PDZD2: variants seen among roughly 807,000 people sequenced by gnomAD.
PDZD2 encodes the protein PDZ domain-containing protein 2.
Under a neutral mutation model 220.7 loss-of-function variants are expected in PDZD2, and 90 were observed. That is an observed-to-expected ratio of 0.41 (90% CI 0.34 to 0.49). The LOEUF is 0.49. Among genes scored for constraint, PDZD2 ranks in the 20% least tolerant of loss-of-function variants. PDZD2 has a pLI of 0.28. For missense variants in PDZD2, 3,174 were observed against 3,608.5 expected (o/e 0.88, Z 3.08); for synonymous variants, 1,375 against 1,450.5 (o/e 0.95, Z 1.18).
At chr5:31,813,449 CAAAAAA>C (rs60551914) in intron 2 of PDZD2, among the ~76,000 whole-genome samples, 4,175 of 94,110 alleles carry the variant, frequency 0.044, 167 homozygotes, top group African/African-American at 0.17. Flanking sequence ...GACTCCGTCT[CAAAAAA>C]AAAAAAAAAA....
chr5:31,921,890 C>T (rs539258566), intron 2 of PDZD2, among the ~76,000 whole-genome samples: 2 of 152,218 alleles, frequency 1.3e-5, no homozygotes, highest in East Asian at 1.9e-4. Flanking sequence ...CCCTAGTGCC[C>T]GCCCTCCTCT....
intron 2 of PDZD2, among the ~76,000 whole-genome samples, chr5:31,815,432 A>C (rs1755388445): frequency 6.6e-6 from 1 of 152,084 alleles, no homozygotes; most frequent in Non-Finnish European, 1.5e-5. Context: ...AATATGTCAA[A>C]GAGATATATT....
At chr5:31,712,478 CT>C (rs1748183077) in intron 1 of PDZD2, among the ~76,000 whole-genome samples, 1 of 61,610 alleles carries the variant, frequency 1.6e-5, no homozygotes, top group African/African-American at 4.2e-5. Context: ...CTCTCTCTCT[CT>C]CTCCCCCTCT....
intron 1 of PDZD2, among the ~76,000 whole-genome samples, chr5:31,750,957 C>T (rs1750925313): frequency 6.6e-6 from 1 of 151,514 alleles, no homozygotes; most frequent in Non-Finnish European, 1.5e-5. Flanking sequence ...GTAAGAGAAG[C>T]ATGGGCCAGG....
At chr5:31,797,491 C>T (rs897706628) in intron 1 of PDZD2, among the ~76,000 whole-genome samples, 1 of 151,952 alleles carries the variant, frequency 6.6e-6, no homozygotes, top group Non-Finnish European at 1.5e-5. Context: ...CCTGCCACCA[C>T]ACCGAGCTAA....
chr5:32,032,796 G>A (rs532398025), intron 6 of PDZD2, among the ~76,000 whole-genome samples: 72 of 152,310 alleles, frequency 4.7e-4, no homozygotes, highest in Non-Finnish European at 8.2e-4. Context: ...GTTCAAAGAG[G>A]TTGACTGACG....
intron 2 of PDZD2, among the ~76,000 whole-genome samples, chr5:31,908,082 CAAAAAAAAAA>C (rs55741622): frequency 2.6e-5 from 2 of 76,886 alleles, no homozygotes; most frequent in Non-Finnish European, 4.4e-5. Flanking sequence ...GGCTCCGTCT[CAAAAAAAAAA>C]AAAAAAAAAA....
At chr5:32,010,638 G>C in intron 6 of PDZD2, 156 bp downstream of exon 6, 1 of 726,064 alleles carries the variant, frequency 1.4e-6, no homozygotes, top group South Asian at 1.5e-5. Flanking sequence ...CGGAATCTCT[G>C]AGAAAAATCT....
At chr5:31,713,479 G>C (rs1218579710) in intron 1 of PDZD2, among the ~76,000 whole-genome samples, 1 of 152,176 alleles carries the variant, frequency 6.6e-6, no homozygotes, top group African/African-American at 2.4e-5. Context: ...CTATGGTTTG[G>C]ATATTTGAGC....
At chr5:31,804,926 G>T (rs1754622207) in intron 2 of PDZD2, among the ~76,000 whole-genome samples, 1 of 152,200 alleles carries the variant, frequency 6.6e-6, no homozygotes, top group African/African-American at 2.4e-5. Flanking sequence ...AGGCGTGGTG[G>T]CTCATGCCTA....
At chr5:31,743,790 TGAAAGAAATG>T (rs1750411937) in intron 1 of PDZD2, among the ~76,000 whole-genome samples, 1 of 151,758 alleles carries the variant, frequency 6.6e-6, no homozygotes. Context: ...GCCTCAGATA[TGAAAGAAATG>T]GAAGAAACAT....
rs1753195745 is a variant in PDZD2 at position 32,010,372 on chromosome 5, T to C, written c.1297T>C (p.Leu433=). Residue 433 remains leucine (L), a synonymous_variant, in exon 6 of 25, where the codon TTG becomes CTG. Transcript: ENST00000438447. ...CCTCCTCAGGTTAACATCTAAGAGC[T>C]TGCCAGATCTGACCAGCTCGGTAGA... ...EDLLRLTSKS[L]PDLTSSVEDV... is the part of the protein sequence containing the mutation. 1 of 1,611,824 alleles carries C rather than the reference T, an allele frequency of 6.2e-7. No individual in the cohort carries two copies. The highest frequency in any genetic ancestry group is 2.2e-5 in the East Asian group (1 of 44,788).
At chr5:32,071,469 A>G (rs1373816103) in intron 16 of PDZD2, 51 bp downstream of exon 16, 1 of 1,434,040 alleles carries the variant, frequency 7.0e-7, no homozygotes. Context: ...CCACAAACTA[A>G]TTCCTGGAGC....
chr5:31,872,212 A>G (rs1580954744), intron 2 of PDZD2, among the ~76,000 whole-genome samples: 2 of 151,624 alleles, frequency 1.3e-5, no homozygotes, highest in East Asian at 1.9e-4. Context: ...TGGGCAAAGC[A>G]GAGAGCCCAG....
At chr5:31,676,278 G>GT (rs1335966512) in intron 1 of PDZD2, among the ~76,000 whole-genome samples, 1 of 152,172 alleles carries the variant, frequency 6.6e-6, no homozygotes, top group East Asian at 1.9e-4. Flanking sequence ...TATGATCCCT[G>GT]TATTTCAAGC....
chr5:31,951,703 A>G (rs1267549260), intron 2 of PDZD2, among the ~76,000 whole-genome samples: 3 of 152,196 alleles, frequency 2.0e-5, no homozygotes, highest in African/African-American at 4.8e-5. Flanking sequence ...TACATCAGGT[A>G]GAAGTTCGCG....
chr5:31,878,555 C>CTTTTTTTTTTTTTTTTTGTTTTTTTT (rs1739535749), intron 2 of PDZD2, among the ~76,000 whole-genome samples: 1 of 48,198 alleles, frequency 2.1e-5, no homozygotes, highest in African/African-American at 7.0e-5. Context: ...ATGACCTCGG[C>CTTTTTTTTTTTTTTTTTGTTTTTTTT]TTTTTTTTTT....
At chr5:31,954,792 CG>C (rs1251879577) in intron 2 of PDZD2, among the ~76,000 whole-genome samples, 5 of 151,904 alleles carry the variant, frequency 3.3e-5, no homozygotes, top group African/African-American at 1.2e-4. Flanking sequence ...CAAAATTAGC[CG>C]GGCGTGGTGG....
intron 2 of PDZD2, among the ~76,000 whole-genome samples, chr5:31,925,311 A>G: frequency 6.6e-6 from 1 of 152,156 alleles, no homozygotes; most frequent in East Asian, 1.9e-4. Context: ...ATAAAGCCAC[A>G]CATCTATAGC....
Sources: allele counts gnomAD v4.1 joint callset (sites outside exome capture counted in the v4.1 genomes callset), GRCh38; gene constraint gnomAD v4.1.1; transcripts MANE v1.5; gene names NCBI Gene and HGNC (gene_info 2026-07-23, HGNC 2026-07-21).